Variants in ADAM12 observed in about 807,000 individuals in gnomAD.
The protein encoded by ADAM12 is ADAM metallopeptidase domain 12, also known as disintegrin and metalloproteinase domain-containing protein 12.
In ADAM12, 70 loss-of-function variants were observed where a neutral mutation model predicts 106.4. The observed-to-expected ratio is 0.66, with a 90% CI of 0.54 to 0.80. The LOEUF (loss-of-function observed/expected upper bound fraction) is 0.80, where lower values mean the gene tolerates loss of function less well. ADAM12 is among the 30% of genes least tolerant of loss of function. The pLI is 0.00. For missense variants in ADAM12, 1,010 were observed against 1,171.9 expected, an observed-to-expected ratio of 0.86 and a Z score of 2.02; for synonymous variants, 420 against 433.5, an observed-to-expected ratio of 0.97 and a Z score of 0.39.
intron 5 of ADAM12, among the ~76,000 whole-genome samples, chr10:126,128,724 G>A (rs1205316577): frequency 6.9e-6 from 1 of 145,784 alleles, no homozygotes; most frequent in African/African-American, 2.6e-5. Context: ...GCGCCTGTGC[G>A]AGTGTGTGGT....
At chr10:126,346,469 G>A (rs1662754226) in intron 1 of ADAM12, among the ~76,000 whole-genome samples, 1 of 152,182 alleles carries the variant, frequency 6.6e-6, no homozygotes, top group South Asian at 2.1e-4. Flanking sequence ...GAATAAGTGC[G>A]ATGTGGTGCC....
chr10:126,297,862 G>A (rs1284225873), intron 2 of ADAM12, among the ~76,000 whole-genome samples: 2 of 152,110 alleles, frequency 1.3e-5, no homozygotes, highest in African/African-American at 4.8e-5. Flanking sequence ...TATTAGGAGA[G>A]GCAGCTGAGA....
intron 1 of ADAM12, among the ~76,000 whole-genome samples, chr10:126,358,980 G>T (rs1327483671): frequency 6.6e-6 from 1 of 152,200 alleles, no homozygotes; most frequent in South Asian, 2.1e-4. Context: ...GTTCCACATG[G>T]CTGGGGAAGC....
intron 2 of ADAM12, among the ~76,000 whole-genome samples, chr10:126,283,876 G>A (rs1959711935): frequency 1.3e-5 from 2 of 152,124 alleles, no homozygotes; most frequent in South Asian, 4.1e-4. Flanking sequence ...CCTACTCCAA[G>A]ATCAAAAAGC....
intron 21 of ADAM12, among the ~76,000 whole-genome samples, chr10:126,024,294 A>C (rs1953827168): frequency 6.6e-6 from 1 of 152,206 alleles, no homozygotes. Flanking sequence ...ACTTCTTTTG[A>C]AAAAGGATAT....
At chr10:126,286,262 G>C (rs1222422071) in intron 2 of ADAM12, among the ~76,000 whole-genome samples, 2 of 152,006 alleles carry the variant, frequency 1.3e-5, no homozygotes, top group Admixed American at 6.6e-5. Flanking sequence ...AATTAATGTG[G>C]CAGTGGAACG....
intron 6 of ADAM12, among the ~76,000 whole-genome samples, chr10:126,117,760 G>GGGGT (rs1554971264): frequency 1.5e-5 from 2 of 130,950 alleles, no homozygotes; most frequent in Non-Finnish European, 3.2e-5. Context: ...GTAGAAGTTG[G>GGGGT]GGGGGCGTAA....
chr10:126,152,027 G>A (rs1331515602), intron 4 of ADAM12, among the ~76,000 whole-genome samples: 1 of 82,418 alleles, frequency 1.2e-5, no homozygotes, highest in Non-Finnish European at 2.6e-5. Flanking sequence ...TTTTTTTTTT[G>A]GTCTTCCTTT....
chr10:126,020,794 C>A (rs995560658), intron 21 of ADAM12, among the ~76,000 whole-genome samples: 2 of 151,874 alleles, frequency 1.3e-5, no homozygotes, highest in African/African-American at 4.8e-5. Context: ...AGTTTGAGAC[C>A]AGCCTGGCCA....
At chr10:126,307,503 A>G (rs1171725411) in intron 2 of ADAM12, among the ~76,000 whole-genome samples, 1 of 151,986 alleles carries the variant, frequency 6.6e-6, no homozygotes, top group Non-Finnish European at 1.5e-5. Flanking sequence ...CCAGGCATGC[A>G]CAACCACATC....
chr10:126,037,176 A>G (rs1433167295), intron 20 of ADAM12, among the ~76,000 whole-genome samples: 2 of 152,070 alleles, frequency 1.3e-5, no homozygotes, highest in African/African-American at 4.8e-5. Context: ...TCAATGTTGT[A>G]TACATCAATG....
intron 3 of ADAM12, among the ~76,000 whole-genome samples, chr10:126,159,307 CAAA>C (rs3069557): frequency 1.2e-5 from 1 of 80,630 alleles, no homozygotes; most frequent in African/African-American, 5.6e-5. Flanking sequence ...GAGACTCCAT[CAAA>C]AAAAAAAAAA....
chr10:126,201,046 A>T (rs1175760657), intron 3 of ADAM12, among the ~76,000 whole-genome samples: 1 of 152,188 alleles, frequency 6.6e-6, no homozygotes, highest in African/African-American at 2.4e-5. Flanking sequence ...GCTGGAAAAG[A>T]GTATGAGCAT....
intron 3 of ADAM12, among the ~76,000 whole-genome samples, chr10:126,225,028 C>A (rs1312085199): frequency 1.3e-5 from 2 of 152,228 alleles, no homozygotes; most frequent in Non-Finnish European, 2.9e-5. Flanking sequence ...GAGTGAGAAG[C>A]AACTCTTTAG....
chr10:126,124,469 C>T (rs759718350), intron 5 of ADAM12, among the ~76,000 whole-genome samples: 2 of 152,058 alleles, frequency 1.3e-5, no homozygotes, highest in East Asian at 1.9e-4. Context: ...TTACTATGCG[C>T]GAGACACTAG....
rs575485766 is a variant in ADAM12 at position 126,254,052 on chromosome 10, C to T, written c.260+24863G>A. Among the ~76,000 whole-genome samples the T allele has an allele frequency of 5.9e-5, 9 of 152,332 alleles. No homozygotes were observed. The South Asian group carries it at 1.9e-3, about 32-fold the overall frequency. ...TGGCCATCCTCCAAGGTCCTATGGCCCCTCTGCTACCCTTCCCCAGTCCCC... is the reference window on the plus strand; with the variant it reads ...TGGCCATCCTCCAAGGTCCTATGGCTCCTCTGCTACCCTTCCCCAGTCCCC... On this transcript the variant is annotated intron_variant, in intron 3 of 22. Coordinates refer to ENST00000448723, the MANE Select transcript of ADAM12 (RefSeq NM_001288973.2).
At chr10:126,183,540 T>A (rs1041156390) in intron 3 of ADAM12, among the ~76,000 whole-genome samples, 19 of 152,378 alleles carry the variant, frequency 1.2e-4, no homozygotes, top group African/African-American at 4.6e-4. Context: ...AACAGCCATC[T>A]GGGGCAAGTG....
chr10:126,182,706 G>A (rs978454472), intron 3 of ADAM12, among the ~76,000 whole-genome samples: 4 of 152,206 alleles, frequency 2.6e-5, no homozygotes, highest in Non-Finnish European at 5.9e-5. Flanking sequence ...ATAAACATCC[G>A]TGAGGTCAGT....
Position 126,118,055 on chromosome 10 carries a change from G to C in ADAM12, c.586C>G (p.Gln196Glu). Residue 196 changes from glutamine (Q) to glutamate (E), a missense_variant, in exon 6 of 23, where the codon CAG becomes GAG. Gln to Glu is a conservative substitution (Grantham distance 29, BLOSUM62 2). This residue lies in a region of ADAM12 where 391 missense variants were observed against 442.9 expected (regional missense o/e 0.88). Coordinates refer to ENST00000448723, the MANE Select transcript of ADAM12 (RefSeq NM_001288973.2). Reference protein sequence around the residue: ...AAKNVFPPPSQTWARRHKRET... With the variant: ...AAKNVFPPPSETWARRHKRET... ...CCCCTTACCCTTCTTGCCCATGTCT[G>C]AGAGGGTGGTGGAAACACATTCTTT... The C allele has an allele frequency of 1.2e-6, 2 of 1,614,142 alleles. No individual in the cohort carries two copies. Among genetic ancestry groups the C allele is most frequent in the Non-Finnish European group, 1.7e-6 (2 of 1,179,976 alleles).
Sources: gnomAD v4.1 joint callset for allele counts (sites outside exome capture counted in the v4.1 genomes callset) on GRCh38, gnomAD v4.1.1 for gene constraint, gnomAD v4.1.1 regional missense constraint, MANE v1.5 for transcripts, NCBI Gene and HGNC (gene_info 2026-07-23, HGNC 2026-07-21) for gene names.